PPIE: variants seen among roughly 807,000 people sequenced by gnomAD.
The protein encoded by PPIE is peptidyl-prolyl cis-trans isomerase E.
Under a neutral mutation model 38.4 loss-of-function variants are expected in PPIE, and 20 were observed. The observed-to-expected ratio is 0.52, with a 90% CI of 0.37 to 0.76. The LOEUF (loss-of-function observed/expected upper bound fraction) is 0.76. PPIE is among the 30% of genes least tolerant of loss of function. The pLI is 0.00. For missense variants in PPIE, 322 were observed against 385.8 expected (o/e 0.83, Z 1.39); for synonymous variants, 142 against 135.7 (o/e 1.05, Z -0.32).
downstream of PPIE, chr1:39,760,413 G>A (rs375168101): frequency 4.3e-6 from 7 of 1,613,588 alleles, no homozygotes; most frequent in Non-Finnish European, 5.9e-6. Context: ...GGCCGGGCGG[G>A]TGGACTCAGT....
downstream of PPIE, among the ~76,000 whole-genome samples, chr1:39,760,754 T>A (rs2124411448): frequency 6.6e-6 from 1 of 151,996 alleles, no homozygotes; most frequent in South Asian, 2.1e-4. Flanking sequence ...GTGGGAGCTG[T>A]AGTAACACGC....
rs1648289703 is a variant in PPIE at position 39,756,532 on chromosome 1, A to C, written c.*3177A>C. ...TCCAGGTGCTCCCAGCATCTGTTGCAGTCATGGCAGCCTCACGGCAACCTC... is the reference window on the plus strand; with the variant it reads ...TCCAGGTGCTCCCAGCATCTGTTGCCGTCATGGCAGCCTCACGGCAACCTC... On this transcript the variant is annotated 3_prime_UTR_variant, in exon 10 of 10. Transcript: ENST00000324379. 1.0e-6 allele frequency: 1 copy of C among 985,306 alleles called. No individual in the cohort carries two copies. The highest frequency in any genetic ancestry group is 1.2e-6 in the Non-Finnish European group (1 of 829,934). 61.0% of individuals were successfully genotyped at this position (985,306 alleles called of 1,614,324 possible).
intron 7 of PPIE, chr1:39,747,867 C>T (rs1389034961): frequency 6.6e-6 from 1 of 152,126 alleles, no homozygotes; most frequent in Non-Finnish European, 1.5e-5. Context: ...TGCTTGTTGA[C>T]CATTTGTATA....
At chr1:39,741,254 T>C (rs1647049976) in intron 2 of PPIE, 112 bp from the exon 3 acceptor site, 1 of 854,168 alleles carries the variant, frequency 1.2e-6, no homozygotes, top group Non-Finnish European at 2.0e-6. Flanking sequence ...AGTGATTGGA[T>C]AGAACTTCTG....
chr1:39,749,673 G>A (rs1301155710), intron 8 of PPIE, among the ~76,000 whole-genome samples: 1 of 152,042 alleles, frequency 6.6e-6, no homozygotes, highest in Non-Finnish European at 1.5e-5. Context: ...CAGGGGATGA[G>A]CTGTCTCTCC....
At chr1:39,762,812 C>T (rs369199056) in intron 9 of PPIE, among the ~76,000 whole-genome samples, 4 of 152,344 alleles carry the variant, frequency 2.6e-5, no homozygotes, top group African/African-American at 4.8e-5. Context: ...CACACAGGTG[C>T]GTAAGTGTCC....
intron 7 of PPIE, chr1:39,746,817 G>A (rs1647222192): frequency 6.6e-6 from 1 of 152,128 alleles, no homozygotes; most frequent in African/African-American, 2.4e-5. Context: ...TGTTGCTGTT[G>A]TCTCTTCCTC....
chr1:39,753,088 G>A, intron 9 of PPIE, 36 bp downstream of exon 9: 1 of 1,612,932 alleles, frequency 6.2e-7, no homozygotes, highest in Non-Finnish European at 8.5e-7. Context: ...CCTTACCCAG[G>A]CCCTAGGAGC....
rs1211431463 is a variant in PPIE at position 39,753,869 on chromosome 1, G to T, written c.*514G>T. The T allele has an allele frequency of 1.0e-6, 1 of 985,204 alleles. No homozygotes were observed. The highest frequency in any genetic ancestry group is 1.7e-5 in the African/African-American group (1 of 57,182). The allele number at this position is 985,204 out of a possible 1,614,324, so 61.0% of individuals were successfully genotyped here. On this transcript the variant is annotated 3_prime_UTR_variant, in exon 10 of 10. Coordinates refer to ENST00000324379, the MANE Select transcript of PPIE (RefSeq NM_006112.4). ...GTCAGGTGATGTATCTTCACACCAG[G>T]CATCGATGTCAGGGCAACGGAAATT... is the stretch of plus-strand genomic sequence containing the variant.
At chr1:39,741,464 T>C (rs1182903042) in intron 3 of PPIE, 55 bp downstream of exon 3, 2 of 1,579,150 alleles carry the variant, frequency 1.3e-6, no homozygotes, top group African/African-American at 1.3e-5. Context: ...TGTTACTGAT[T>C]ACAAAGGAAG....
chr1:39,745,414 G>T lies in PPIE; in HGVS notation c.424G>T (p.Val142Leu). Residue 142 changes from valine (V) to leucine (L), a missense_variant, in exon 7 of 10, where the codon GTG (valine) becomes TTG (leucine). Val to Leu is a conservative substitution (Grantham distance 32, BLOSUM62 1). Coordinates refer to ENST00000324379, the MANE Select transcript of PPIE (RefSeq NM_006112.4). Reference protein sequence around the residue: ...IAKKARSNPQVYMDIKIGNKP... With the variant: ...IAKKARSNPQLYMDIKIGNKP... ...TAAAAAGGCCCGCTCAAATCCTCAG[G>T]TGTACATGGACATCAAGATTGGGAA... is the stretch of plus-strand genomic sequence containing the variant. 4 of 1,614,230 alleles carry T rather than the reference G, an allele frequency of 2.5e-6. No individual in the cohort carries two copies. Among genetic ancestry groups the T allele is most frequent in the Non-Finnish European group, 3.4e-6 (4 of 1,180,040 alleles).
Position 39,756,621 on chromosome 1 carries a change from T to C in PPIE, c.*3266T>C, listed in dbSNP as rs1648299601. ...AATGGAGTCTTGTAGAGTTCAGTGA[T>C]GGGAAACTAAAGTAGAAAAAGCACA... On this transcript the variant is annotated 3_prime_UTR_variant, in exon 10 of 10. Transcript: ENST00000324379. 1 of 985,112 alleles carries C rather than the reference T, an allele frequency of 1.0e-6. No individual in the cohort carries two copies. The highest frequency in any genetic ancestry group is 1.2e-6 in the Non-Finnish European group (1 of 829,788). The allele number at this position is 985,112 out of a possible 1,614,324, so 61.0% of individuals were successfully genotyped here. A position where few individuals can be genotyped will look rare whatever the true frequency, so the allele number is the denominator to read the frequency against.
At chr1:39,749,529 T>G (rs999707051) in intron 8 of PPIE, among the ~76,000 whole-genome samples, 1 of 152,210 alleles carries the variant, frequency 6.6e-6, no homozygotes, top group East Asian at 1.9e-4. Flanking sequence ...CCCTACTTGA[T>G]GCTCAGTCCC....
chr1:39,752,883 G>A, intron 8 of PPIE, 27 bp from the exon 9 acceptor site: 1 of 1,603,264 alleles, frequency 6.2e-7, no homozygotes, highest in Non-Finnish European at 8.5e-7. Context: ...CAGGGTTCGG[G>A]GAGCTGATGG....
intron 4 of PPIE, 28 bp downstream of exon 4, chr1:39,741,949 A>G (rs371902829): frequency 3.1e-6 from 5 of 1,613,838 alleles, no homozygotes; most frequent in Non-Finnish European, 4.2e-6. Flanking sequence ...AATTCTAACT[A>G]AAGTTGCTTT....
chr1:39,754,182 T>C lies in PPIE; in HGVS notation c.*827T>C, dbSNP rs911860582. ...ACACAGCCACGTCCATTTATTTACATATTGTCCATGGTGGTTTCTTACTGC... is the reference window on the plus strand; with the variant it reads ...ACACAGCCACGTCCATTTATTTACACATTGTCCATGGTGGTTTCTTACTGC... On this transcript the variant is annotated 3_prime_UTR_variant, in exon 10 of 10. Coordinates refer to ENST00000324379, the MANE Select transcript of PPIE (RefSeq NM_006112.4). 8 of 699,704 alleles carry C rather than the reference T, an allele frequency of 1.1e-5. No homozygotes were observed. The highest frequency in any genetic ancestry group is 1.9e-5 in the African/African-American group (1 of 51,484). 43.3% of individuals were successfully genotyped at this position (699,704 alleles called of 1,614,324 possible).
At chr1:39,747,471 TTTTTTTTTTG>T (rs1215878799) in intron 7 of PPIE, 1 of 144,470 alleles carries the variant, frequency 6.9e-6, no homozygotes. Flanking sequence ...TTTTTTTTTT[TTTTTTTTTTG>T]AGACAGAGTC....
intron 9 of PPIE, 26 bp downstream of exon 9, chr1:39,753,078 C>T (rs755510463): frequency 1.9e-6 from 3 of 1,613,672 alleles, no homozygotes; most frequent in Non-Finnish European, 2.5e-6. Flanking sequence ...TGGGCCTCCT[C>T]CTTACCCAGG....
chr1:39,743,962 C>A, intron 6 of PPIE, 38 bp downstream of exon 6: 2 of 1,486,088 alleles, frequency 1.3e-6, no homozygotes, highest in Non-Finnish European at 1.8e-6. Flanking sequence ...CACAGGCCGG[C>A]GCTGTCCACA....
Sources: gnomAD v4.1 joint callset for allele counts (sites outside exome capture counted in the v4.1 genomes callset) on GRCh38, gnomAD v4.1.1 for gene constraint, MANE v1.5 for transcripts, NCBI Gene and HGNC (gene_info 2026-07-23, HGNC 2026-07-21) for gene names.